UTRN: variants seen among roughly 807,000 people sequenced by gnomAD.
UTRN encodes the protein utrophin.
Under a neutral mutation model 463.9 loss-of-function variants are expected in UTRN, and 283 were observed. The observed-to-expected ratio is 0.61, with a 90% CI of 0.55 to 0.67. The LOEUF (loss-of-function observed/expected upper bound fraction) is 0.67, where lower values mean the gene tolerates loss of function less well. Among genes scored for constraint, UTRN ranks in the 30% least tolerant of loss-of-function variants. UTRN has a pLI of 0.00. For synonymous variants in UTRN, 1,442 were observed against 1,431.5 expected, an observed-to-expected ratio of 1.01 and a Z score of -0.17; for missense variants, 3,922 against 4,084.3, an observed-to-expected ratio of 0.96 and a Z score of 1.08.
chr6:144,757,236 TAAAAA>T (rs375711274), intron 57 of UTRN, among the ~76,000 whole-genome samples: 1 of 115,544 alleles, frequency 8.7e-6, no homozygotes, highest in Non-Finnish European at 1.8e-5. Context: ...ACTAGAATTG[TAAAAA>T]AAAAAAAAAA....
intron 53 of UTRN, among the ~76,000 whole-genome samples, chr6:144,711,013 G>A (rs1785630746): frequency 6.6e-6 from 1 of 152,074 alleles, no homozygotes; most frequent in African/African-American, 2.4e-5. Context: ...GTGTTTTAAG[G>A]ACTGTTTTAA....
At chr6:144,705,092 G>A (rs73591970) in intron 53 of UTRN, among the ~76,000 whole-genome samples, 1,737 of 152,290 alleles carry the variant, frequency 0.011, 32 homozygotes, top group African/African-American at 0.04. Flanking sequence ...CACAAGATCT[G>A]TAATGTAGAT....
intron 51 of UTRN, among the ~76,000 whole-genome samples, chr6:144,647,393 G>T (rs192597098): frequency 6.6e-6 from 1 of 152,158 alleles, no homozygotes; most frequent in Admixed American, 6.5e-5. Context: ...AAATAGCAGA[G>T]GATTATAACC....
Position 144,291,775 on chromosome 6 carries a change from G to A in UTRN, c.-54G>A, listed in dbSNP as rs1804271588. 1.9e-6 allele frequency: 3 copies of A among 1,562,954 alleles called. No individual in the cohort carries two copies. In the Admixed American group the frequency reaches 5.3e-5, roughly 28 times the overall value. The stretch of plus-strand genomic sequence containing the variant: ...GCTGAACCATCGTAGGAAGTTGAAA[G>A]CCTTAGAAAGAGGACTTGGTAAAGT... On this transcript the variant is annotated 5_prime_UTR_variant, in exon 2 of 75. Transcript: ENST00000367545.
At position 144,851,742 on chromosome 6, in the gene UTRN, T is replaced by C. The variant is rs1586829788; in HGVS notation, c.*745T>C. ...CTAAATGGCATTTCTTTTGGGATAT[T>C]TTTCCTGCATTTTATTCCCTTTTTA... On this transcript the variant is annotated 3_prime_UTR_variant, in exon 75 of 75. Coordinates refer to ENST00000367545, the MANE Select transcript of UTRN (RefSeq NM_007124.3). The C allele has an allele frequency of 6.6e-6, 1 of 152,306 alleles. No individual in the cohort carries two copies. Among genetic ancestry groups the C allele is most frequent in the East Asian group, 1.9e-4 (1 of 5,188 alleles). The allele number at this position is 152,306 out of a possible 1,614,324, so 9.4% of individuals were successfully genotyped here.
chr6:144,714,356 T>C (rs1182025319), intron 53 of UTRN, among the ~76,000 whole-genome samples: 2 of 152,242 alleles, frequency 1.3e-5, no homozygotes, highest in Non-Finnish European at 2.9e-5. Flanking sequence ...TCATTTATTT[T>C]TTTCTGCTTA....
intron 54 of UTRN, among the ~76,000 whole-genome samples, chr6:144,744,976 C>T (rs1790548331): frequency 6.6e-6 from 1 of 152,192 alleles, no homozygotes; most frequent in Non-Finnish European, 1.5e-5. Flanking sequence ...GTTAGAACCA[C>T]CTGGGGAGCT....
At chr6:144,488,301 G>A (rs1391601118) in intron 29 of UTRN, among the ~76,000 whole-genome samples, 1 of 152,128 alleles carries the variant, frequency 6.6e-6, no homozygotes, top group Admixed American at 6.5e-5. Context: ...TGATGTTTGT[G>A]TATTGATAGA....
chr6:144,520,493 G>A (rs1271164616), intron 39 of UTRN, among the ~76,000 whole-genome samples: 2 of 152,120 alleles, frequency 1.3e-5, no homozygotes, highest in East Asian at 3.8e-4. Context: ...TGCGGCATTA[G>A]GATAATAAAA....
Position 144,806,644 on chromosome 6 carries a change from AT to A in UTRN, c.9357+3499del, listed in dbSNP as rs960848826. On this transcript the variant is annotated intron_variant, in intron 65 of 74. Transcript: ENST00000367545. Reference sequence around the variant, plus strand: ...CTTTACAACTAAACTAATCAGACCTATTCCAACTGGACCCCATTTTACTATT... The same window carrying A: ...CTTTACAACTAAACTAATCAGACCTATCCAACTGGACCCCATTTTACTATT... 3.8e-5 allele frequency among the ~76,000 whole-genome samples: 4 copies of A among 104,592 alleles called. 2 individuals are homozygous for A. The highest frequency in any genetic ancestry group is 8.6e-5 in the Non-Finnish European group (4 of 46,704). 68.6% of individuals were successfully genotyped at this position (104,592 alleles called of 152,430 possible).
chr6:144,806,110 C>A (rs1231647402), intron 65 of UTRN, among the ~76,000 whole-genome samples: 1 of 152,044 alleles, frequency 6.6e-6, no homozygotes, highest in Non-Finnish European at 1.5e-5. Flanking sequence ...TTTTCTTGGT[C>A]TTGAACATAT....
chr6:144,459,880 T>C (rs1188830387), intron 21 of UTRN, among the ~76,000 whole-genome samples: 2 of 151,930 alleles, frequency 1.3e-5, no homozygotes, highest in Non-Finnish European at 2.9e-5. Context: ...TTATAACAGG[T>C]GATATAACAG....
intron 46 of UTRN, 131 bp downstream of exon 46, chr6:144,543,001 T>G (rs1798105704): frequency 2.6e-6 from 2 of 767,690 alleles, no homozygotes; most frequent in South Asian, 3.7e-5. Flanking sequence ...CTACTTTCAA[T>G]GATTTGGAAA....
intron 51 of UTRN, among the ~76,000 whole-genome samples, chr6:144,582,504 T>G (rs1022221159): frequency 3.3e-5 from 5 of 152,190 alleles, no homozygotes; most frequent in Non-Finnish European, 7.3e-5. Context: ...AATTATGTAC[T>G]GGATTTTTAT....
intron 27 of UTRN, among the ~76,000 whole-genome samples, 166 bp downstream of exon 27, chr6:144,482,554 C>T (rs532271729): frequency 1.3e-5 from 2 of 151,868 alleles, no homozygotes; most frequent in South Asian, 4.2e-4. Context: ...AAAAATAGTT[C>T]TTGGGAAATA....
rs768821645 is a variant in UTRN at position 144,446,684 on chromosome 6, A to G, written c.1615-527A>G. On this transcript the variant is annotated intron_variant, in intron 14 of 74. Coordinates refer to ENST00000367545, the MANE Select transcript of UTRN (RefSeq NM_007124.3). ...GCTCTTCAGACTCCCTCCTTTAATC[A>G]TAATTGCTGTTGAACCTTGAATGCT... is the stretch of plus-strand genomic sequence containing the variant. Among the ~76,000 whole-genome samples, 6 of 152,220 alleles carry G rather than the reference A, an allele frequency of 3.9e-5. No homozygotes were observed. In the South Asian group the frequency reaches 6.2e-4, roughly 16 times the overall value.
At chr6:144,354,247 T>C (rs1778361908) in intron 2 of UTRN, among the ~76,000 whole-genome samples, 2 of 152,192 alleles carry the variant, frequency 1.3e-5, no homozygotes, top group South Asian at 2.1e-4. Flanking sequence ...GACAGGCTGA[T>C]TGCAGAGGAG....
At chr6:144,802,266 T>G (rs1777764949) in intron 64 of UTRN, among the ~76,000 whole-genome samples, 1 of 152,198 alleles carries the variant, frequency 6.6e-6, no homozygotes, top group African/African-American at 2.4e-5. Flanking sequence ...CAGAATGATT[T>G]CCTTAAGATT....
intron 54 of UTRN, among the ~76,000 whole-genome samples, chr6:144,739,375 G>C (rs1162960316): frequency 6.6e-6 from 1 of 152,142 alleles, no homozygotes. Context: ...TAGTTTAGTA[G>C]AAGTTACTTT....
Sources: allele counts gnomAD v4.1 joint callset (sites outside exome capture counted in the v4.1 genomes callset), GRCh38; gene constraint gnomAD v4.1.1; transcripts MANE v1.5; gene names NCBI Gene and HGNC (gene_info 2026-07-23, HGNC 2026-07-21).